The following GRAMD1B variants were observed in gnomAD, a reference collection of about 807,000 sequenced individuals.
GRAMD1B encodes the protein protein Aster-B.
Under a neutral mutation model 99.7 loss-of-function variants are expected in GRAMD1B, and 37 were observed. The ratio of observed to expected loss-of-function variants is 0.37; its 90% CI spans 0.29 to 0.49. The LOEUF is 0.49. GRAMD1B is among the 20% of genes least tolerant of loss of function. The pLI is 0.98. For synonymous variants in GRAMD1B, 427 were observed against 387.6 expected, an observed-to-expected ratio of 1.10 and a Z score of -1.19; for missense variants, 888 against 1,009.2, an observed-to-expected ratio of 0.88 and a Z score of 1.63.
chr11:123,555,492 A>G (rs539814514), intron 2 of GRAMD1B, among the ~76,000 whole-genome samples: 2 of 151,706 alleles, frequency 1.3e-5, no homozygotes, highest in East Asian at 2.0e-4. Flanking sequence ...GGGATTACAG[A>G]TGCCTGCCAC....
intron 1 of GRAMD1B, among the ~76,000 whole-genome samples, chr11:123,388,299 G>A (rs2135833978): frequency 6.6e-6 from 1 of 152,192 alleles, no homozygotes; most frequent in East Asian, 1.9e-4. Context: ...TTATGTGGTA[G>A]TATTAAGAGG....
chr11:123,625,936 A>AAGAGAGAGAGAGAGAGAGAG lies in GRAMD1B; in HGVS notation c.*3367_*3386dup, dbSNP rs59323923. ...TAGGAGGGCTGGGGAGGCCCAGTGG[A>AAGAGAGAGAGAGAGAGAGAG]AGAGAGAGAGAGAGAGAGAGAGAGA... is the stretch of plus-strand genomic sequence containing the variant. On this transcript the variant is annotated 3_prime_UTR_variant, in exon 20 of 20. Coordinates refer to ENST00000635736, the MANE Select transcript of GRAMD1B (RefSeq NM_001387025.1). 30 of 104,250 alleles carry AAGAGAGAGAGAGAGAGAGAG rather than the reference A, an allele frequency of 2.9e-4. No homozygotes were observed. Among genetic ancestry groups the AAGAGAGAGAGAGAGAGAGAG allele is most frequent in the East Asian group, 5.8e-4 (2 of 3,422 alleles). The allele number at this position is 104,250 out of a possible 1,614,324, so 6.5% of individuals were successfully genotyped here.
In GRAMD1B at chr11:123,546,322, C is replaced by T. The variant is rs115516893; in HGVS notation, c.453-31045C>T. ...CTCTGTCAAGCCAAAATGGGCACCA[C>T]GGTTCAGCACGCATCCAAGCTTTTA... On this transcript the variant is annotated intron_variant, in intron 2 of 19. Transcript: ENST00000635736. Among the ~76,000 whole-genome samples the T allele has an allele frequency of 5.3e-5, 8 of 152,308 alleles. 1 individual carries two copies. Among genetic ancestry groups the T allele is most frequent in the South Asian group, 2.1e-4 (1 of 4,822 alleles).
chr11:123,617,630 C>T (rs1003544175), intron 17 of GRAMD1B, among the ~76,000 whole-genome samples: 3 of 152,100 alleles, frequency 2.0e-5, no homozygotes, highest in Admixed American at 6.6e-5. Context: ...AGAACAACCC[C>T]AGTAGGATAG....
In GRAMD1B at chr11:123,623,391, C is replaced by G. The variant is rs1383035948; in HGVS notation, c.*796C>G. On this transcript the variant is annotated 3_prime_UTR_variant, in exon 20 of 20. Transcript: ENST00000635736. ...GTGTCACTTTTTAGTGCCTAAAGTC[C>G]TATTGTTTCTCTGTGCCCTAAGAGC... is the stretch of plus-strand genomic sequence containing the variant. 1 of 152,210 alleles carries G rather than the reference C, an allele frequency of 6.6e-6. No homozygotes were observed. Among genetic ancestry groups the G allele is most frequent in the African/African-American group, 2.4e-5 (1 of 41,450 alleles). 9.4% of individuals were successfully genotyped at this position (152,210 alleles called of 1,614,324 possible). A position where few individuals can be genotyped will look rare whatever the true frequency, so the allele number is the denominator to read the frequency against.
chr11:123,598,768 A>T, intron 7 of GRAMD1B: 3 of 934,038 alleles, frequency 3.2e-6, no homozygotes, highest in South Asian at 2.6e-5. Flanking sequence ...TCTTTCGGCC[A>T]TCCAGGAAAG....
rs1565488556 is a variant in GRAMD1B, at chr11:123,626,355, C to T, written c.*3760C>T. On this transcript the variant is annotated 3_prime_UTR_variant, in exon 20 of 20. Coordinates refer to ENST00000635736, the MANE Select transcript of GRAMD1B (RefSeq NM_001387025.1). ...GAATGCTTTGTGAGAAGTGGATTCTCTCCGTGTCCCTGCCCCCCACCCAAA... is the reference window on the plus strand; with the variant it reads ...GAATGCTTTGTGAGAAGTGGATTCTTTCCGTGTCCCTGCCCCCCACCCAAA... 6.6e-6 allele frequency: 1 copy of T among 152,182 alleles called. No individual in the cohort carries two copies. The highest frequency in any genetic ancestry group is 1.5e-5 in the Non-Finnish European group (1 of 68,092). 9.4% of individuals were successfully genotyped at this position (152,182 alleles called of 1,614,324 possible). A position where few individuals can be genotyped will look rare whatever the true frequency, so the allele number is the denominator to read the frequency against.
intron 1 of GRAMD1B, among the ~76,000 whole-genome samples, chr11:123,449,714 C>CTTTTTTTTTTTTTGTTTTTTTTTTTTTT (rs1949798771): frequency 2.0e-5 from 2 of 99,988 alleles, no homozygotes; most frequent in Non-Finnish European, 4.1e-5. Flanking sequence ...CCATGCCTGG[C>CTTTTTTTTTTTTTGTTTTTTTTTTTTTT]TTTTTTTTTT....
In GRAMD1B at chr11:123,608,773, G is replaced by A. The variant is rs774227885; in HGVS notation, c.1628G>A (p.Arg543Gln). ...CTCTTCACCAACTCGCCCTTCCAGC[G>A]GGATTTCATGGAGCAGCGGCGCTTC... ...DLLFTNSPFQ[R>Q]DFMEQRRFSD... Residue 543 changes from arginine to glutamine, a missense_variant, in exon 12 of 20, where the codon CGG becomes CAG. Transcript: ENST00000635736. 53 of 1,551,230 alleles carry A rather than the reference G, an allele frequency of 3.4e-5. No individual in the cohort carries two copies. Among genetic ancestry groups the A allele is most frequent in the African/African-American group, 1.4e-4 (10 of 72,994 alleles).
chr11:123,360,265 T>A (rs1237825906), intron 1 of GRAMD1B, among the ~76,000 whole-genome samples: 1 of 152,222 alleles, frequency 6.6e-6, no homozygotes, highest in African/African-American at 2.4e-5. Flanking sequence ...CTGCCTTTGT[T>A]CCTTACTTGA....
rs116866349 is a variant in GRAMD1B, at chr11:123,569,776, G to A, written c.453-7591G>A. 5.1e-3 allele frequency among the ~76,000 whole-genome samples: 780 copies of A among 152,316 alleles called. 2 individuals are homozygous for A. The highest frequency in any genetic ancestry group is 0.01 in the Middle Eastern group (3 of 294). On this transcript the variant is annotated intron_variant, in intron 2 of 19. Transcript: ENST00000635736. ...CATGAGGATAGGACGTGTGTAACTG[G>A]ATAACAGGGTAGTCTTCTCTTAGGA...
At position 123,522,706 on chromosome 11, in the gene GRAMD1B, G is replaced by A. The variant is rs1408305747; in HGVS notation, c.452+41813G>A. On this transcript the variant is annotated intron_variant, in intron 2 of 19. Coordinates refer to ENST00000635736, the MANE Select transcript of GRAMD1B (RefSeq NM_001387025.1). ...TTCAGAAACAAGAAAGAGCCAAGGG[G>A]AATTCGAGGCAGATGATGATCGCTC... is the stretch of plus-strand genomic sequence containing the variant. 2.6e-5 allele frequency among the ~76,000 whole-genome samples: 4 copies of A among 152,174 alleles called. No homozygotes were observed. In the East Asian group the frequency reaches 7.7e-4, roughly 29 times the overall value.
At chr11:123,486,153 T>G (rs561286452) in intron 2 of GRAMD1B, among the ~76,000 whole-genome samples, 2 of 152,320 alleles carry the variant, frequency 1.3e-5, no homozygotes, top group South Asian at 4.1e-4. Flanking sequence ...AGCCATTAAG[T>G]GGATGCTTAA....
At chr11:123,548,325 T>TATATATACACACACACACACACACAC (rs1555067740) in intron 2 of GRAMD1B, among the ~76,000 whole-genome samples, 1 of 86,842 alleles carries the variant, frequency 1.2e-5, no homozygotes, top group Non-Finnish European at 2.1e-5. Flanking sequence ...TATATATATA[T>TATATATACACACACACACACACACAC]ACACACACAC....
exon 1 of GRAMD1B, chr11:123,358,479 G>A (rs1946030359): frequency 6.6e-6 from 1 of 152,156 alleles, no homozygotes; most frequent in East Asian, 1.9e-4. Context: ...GAGCGGGGGA[G>A]TTCCGCTTCC....
intron 1 of GRAMD1B, among the ~76,000 whole-genome samples, chr11:123,462,413 C>T (rs1325120560): frequency 2.0e-5 from 3 of 152,182 alleles, no homozygotes; most frequent in South Asian, 2.1e-4. Context: ...TTCCCAGATG[C>T]TCTTGCTTTC....
intron 1 of GRAMD1B, among the ~76,000 whole-genome samples, chr11:123,380,163 C>A (rs1020137228): frequency 6.6e-5 from 10 of 152,174 alleles, no homozygotes; most frequent in African/African-American, 2.2e-4. Flanking sequence ...CTTTGAAACA[C>A]GAAACCTTCT....
intron 1 of GRAMD1B, among the ~76,000 whole-genome samples, chr11:123,360,956 A>G (rs761576505): frequency 2.0e-4 from 31 of 151,918 alleles, no homozygotes; most frequent in Admixed American, 1.4e-3. Context: ...AGCTGGGATT[A>G]CAGGCGCCCA....
intron 2 of GRAMD1B, among the ~76,000 whole-genome samples, chr11:123,487,725 C>T (rs980053370): frequency 3.9e-5 from 6 of 152,166 alleles, no homozygotes; most frequent in African/African-American, 1.4e-4. Flanking sequence ...TTGTCTCAGC[C>T]TCCTGAGTAG....
Sources: allele counts gnomAD v4.1 joint callset (sites outside exome capture counted in the v4.1 genomes callset), GRCh38; gene constraint gnomAD v4.1.1; transcripts MANE v1.5; gene names NCBI Gene and HGNC (gene_info 2026-07-23, HGNC 2026-07-21).